MPST: variants seen among roughly 807,000 people sequenced by gnomAD.
MPST encodes mercaptopyruvate sulfurtransferase.
Under a neutral mutation model 28.5 loss-of-function variants are expected in MPST, and 27 were observed. The ratio of observed to expected loss-of-function variants is 0.95; its 90% CI spans 0.70 to 1.31. The LOEUF is 1.31. Ranked by LOEUF, MPST falls within the 50% of genes most tolerant of loss-of-function variation. The probability of loss-of-function intolerance (pLI) is 0.00; values close to 1 mark genes in which losing one functional copy is unlikely to be tolerated. For missense variants in MPST, 492 were observed against 471.1 expected (o/e 1.04, Z -0.41); for synonymous variants, 204 against 209.3 (o/e 0.97, Z 0.22).
intron 1 of MPST, among the ~76,000 whole-genome samples, chr22:37,021,287 G>T (rs1259369041): frequency 2.0e-5 from 3 of 152,058 alleles, no homozygotes; most frequent in Non-Finnish European, 4.4e-5. Context: ...CCCACAGCCT[G>T]CCTTCACACC....
intron 1 of MPST, chr22:37,020,137 G>C: frequency 5.3e-6 from 2 of 375,906 alleles, no homozygotes; most frequent in Non-Finnish European, 4.7e-6. Context: ...GAGAGAGGAG[G>C]ACAGGGAGAC....
In MPST at chr22:37,024,377, C is replaced by A. The variant is rs919814616; in HGVS notation, c.222C>A (p.Ile74=). The change falls in exon 2 of 3, where the codon ATC becomes ATA. Residue 74 remains isoleucine, a synonymous_variant. Transcript: ENST00000429360. ...DARREFEERH[I]PGAAFFDIDQ... is the part of the protein sequence containing the mutation. Reference sequence around the variant, plus strand: ...GACGCGAGTTCGAGGAGCGCCACATCCCGGGCGCCGCTTTCTTCGACATCG... The same window carrying A: ...GACGCGAGTTCGAGGAGCGCCACATACCGGGCGCCGCTTTCTTCGACATCG... 2.6e-6 allele frequency: 4 copies of A among 1,544,802 alleles called. No homozygotes were observed. The African/African-American group carries it at 5.5e-5, about 21-fold the overall frequency.
intron 1 of MPST, 167 bp from the exon 2 acceptor site, chr22:37,024,025 A>G (rs1265434783): frequency 3.4e-5 from 44 of 1,305,806 alleles, no homozygotes; most frequent in Non-Finnish European, 4.2e-5. Context: ...GCCCCTGGCT[A>G]CCCACCTTTG....
At position 37,029,577 on chromosome 22, in the gene MPST, C is replaced by A; in HGVS notation, c.*63C>A. ...CCACCAGCAATGCCTGGCCTGGTAG[C>A]TCCGCTTCTGCTTTCACCAAGAGAG... On this transcript the variant is annotated 3_prime_UTR_variant, in exon 3 of 3. Transcript: ENST00000429360. 6.8e-7 allele frequency: 1 copy of A among 1,464,014 alleles called. No homozygotes were observed. Among genetic ancestry groups the A allele is most frequent in the Non-Finnish European group, 9.2e-7 (1 of 1,085,482 alleles). 90.7% of individuals were successfully genotyped at this position (1,464,014 alleles called of 1,614,324 possible). A position where few individuals can be genotyped will look rare whatever the true frequency, so the allele number is the denominator to read the frequency against.
intron 1 of MPST, among the ~76,000 whole-genome samples, chr22:37,020,799 C>G (rs1304920192): frequency 2.0e-5 from 3 of 152,188 alleles, no homozygotes; most frequent in African/African-American, 7.2e-5. Flanking sequence ...GGTGGGACCA[C>G]AGGCATGTGC....
chr22:37,021,951 G>A (rs1923107538), intron 1 of MPST, among the ~76,000 whole-genome samples: 1 of 152,122 alleles, frequency 6.6e-6, no homozygotes, highest in South Asian at 2.1e-4. Flanking sequence ...GTGGAGTGGG[G>A]TTTACATTGA....
At chr22:37,023,823 C>T (rs2145915035) in intron 1 of MPST, 4 of 1,278,388 alleles carry the variant, frequency 3.1e-6, no homozygotes, top group Non-Finnish European at 2.0e-6. Flanking sequence ...TAAAGCCGAG[C>T]TGCATCTTAG....
intron 2 of MPST, chr22:37,028,990 G>A (rs5750373): frequency 0.43 from 234,521 of 544,600 alleles, 56,266 homozygotes; most frequent in African/African-American, 0.78. Context: ...TGCTAGATGT[G>A]TTAGCCTCAG....
Sources: allele counts gnomAD v4.1 joint callset (sites outside exome capture counted in the v4.1 genomes callset), GRCh38; gene constraint gnomAD v4.1.1; transcripts MANE v1.5; gene names NCBI Gene and HGNC (gene_info 2026-07-23, HGNC 2026-07-21).